Variants in ZBTB4 observed in about 807,000 individuals in gnomAD.
ZBTB4 encodes zinc finger and BTB domain containing 4, also known as zinc finger and BTB domain-containing protein 4.
A neutral mutation model predicts 59.8 loss-of-function variants in ZBTB4; 14 were observed. The ratio of observed to expected loss-of-function variants is 0.23; its 90% CI spans 0.15 to 0.37. The LOEUF (loss-of-function observed/expected upper bound fraction) is 0.37. Among genes scored for constraint, ZBTB4 ranks in the 10% least tolerant of loss-of-function variants. The probability of loss-of-function intolerance (pLI) is 1.00; values close to 1 mark genes in which losing one functional copy is unlikely to be tolerated. For synonymous variants in ZBTB4, 587 were observed against 575.2 expected (o/e 1.02, Z -0.29); for missense variants, 1,198 against 1,380.8 (o/e 0.87, Z 2.10).
Position 7,465,913 on chromosome 17 carries a change from C to T in ZBTB4, c.889G>A (p.Glu297Lys), listed in dbSNP as rs1203177835. ...PPPVGFRGGP[E>K]HVVKVVGGHV... ...CCGCCCACCACCTTCACCACGTGCT[C>T]GGGGCCCCCTCGGAAGCCCACTGGT... The change falls in exon 3 of 4, where the codon GAG (glutamate) becomes AAG (lysine). Residue 297 changes from glutamate to lysine, a missense_variant. This residue lies in a region of ZBTB4 where 204 missense variants were observed against 205.5 expected (regional missense o/e 0.99). Coordinates refer to ENST00000380599, the MANE Select transcript of ZBTB4 (RefSeq NM_001128833.2). 6.2e-7 allele frequency: 1 copy of T among 1,611,646 alleles called. No homozygotes were observed. The highest frequency in any genetic ancestry group is 8.5e-7 in the Non-Finnish European group (1 of 1,178,348).
rs755915902 is a variant in ZBTB4, at chr17:7,466,072, T to C, written c.730A>G (p.Ile244Val). 1.6e-5 allele frequency: 26 copies of C among 1,606,538 alleles called. No individual in the cohort carries two copies. Among genetic ancestry groups the C allele is most frequent in the Non-Finnish European group, 2.2e-5 (26 of 1,175,740 alleles). ...LPCPQCGKSF[I>V]HPKRLQTHEA... ...TGGGTCTGCAGCCGTTTGGGATGGA[T>C]GAAGCTTTTTCCACACTGGGGGCAG... is the stretch of plus-strand genomic sequence containing the variant. The change falls in exon 3 of 4, where the codon ATC becomes GTC. Residue 244 changes from isoleucine to valine, a missense_variant. Coordinates refer to ENST00000380599, the MANE Select transcript of ZBTB4 (RefSeq NM_001128833.2). This position sits in a 1 kb window ranked among gnomAD's most constrained non-coding sequence, Gnocchi z 9.1.
rs1567682868 is a variant in ZBTB4, at chr17:7,462,020, T to A, written c.2962A>T (p.Thr988Ser). The A allele has an allele frequency of 6.2e-7, 1 of 1,602,100 alleles. No individual in the cohort carries two copies. The highest frequency in any genetic ancestry group is 8.5e-7 in the Non-Finnish European group (1 of 1,173,804). The change falls in exon 4 of 4, where the codon ACT (threonine) becomes TCT (serine). Residue 988 changes from threonine (T) to serine (S), a missense_variant. Around this residue, in one of 9 missense-constraint regions of ZBTB4, gnomAD observed 211 missense variants for 236.1 expected, o/e 0.89. Transcript: ENST00000380599. The surrounding 1 kb of genome is among the most constrained non-coding windows in gnomAD (Gnocchi z 7.5). ...PPAPPTPPPPTLPPPIPPKGE... is the reference protein window; with the variant it reads ...PPAPPTPPPPSLPPPIPPKGE... ...TTAGGGGGAATTGGTGGAGGAAGAG[T>A]TGGGGGAGGTGGTGTTGGTGGGGCA...
rs78694458 is a variant in ZBTB4, at chr17:7,466,014, C to G, written c.788G>C (p.Arg263Pro). Residue 263 changes from arginine to proline, a missense_variant, in exon 3 of 4, where the codon CGG becomes CCG. Physicochemically the swap from Arg to Pro is moderately radical, Grantham distance 103 (BLOSUM62 -2). Transcript: ENST00000380599. The surrounding 1 kb of genome is among the most constrained non-coding windows in gnomAD (Gnocchi z 9.1). ...CCCAGCTCCCAGCCCTGTAGACCCC[C>G]GCGTGCTGGCCCCTCGTCGGCACTG... ...EAQCRRGAST[R>P]GSTGLGAGGA... is the part of the protein sequence containing the mutation. 1 of 1,607,838 alleles carries G rather than the reference C, an allele frequency of 6.2e-7. No individual in the cohort carries two copies. Among genetic ancestry groups the G allele is most frequent in the Non-Finnish European group, 8.5e-7 (1 of 1,176,304 alleles).
intron 1 of ZBTB4, among the ~76,000 whole-genome samples, chr17:7,473,237 G>C (rs1435112490): frequency 6.7e-6 from 1 of 149,972 alleles, no homozygotes; most frequent in Non-Finnish European, 1.5e-5. Flanking sequence ...CTCAGCCTCC[G>C]GAGTAGCTGG....
Position 7,466,524 on chromosome 17 carries a change from G to A in ZBTB4, c.278C>T (p.Ser93Phe), listed in dbSNP as rs750784081. 3 of 1,611,552 alleles carry A rather than the reference G, an allele frequency of 1.9e-6. No homozygotes were observed. Among genetic ancestry groups the A allele is most frequent in the Non-Finnish European group, 1.7e-6 (2 of 1,178,958 alleles). The stretch of plus-strand genomic sequence containing the variant: ...AGCAGAGGAGGAAGAAGAGGAAGAA[G>A]ACGAGGAAGAGGAGGAGGAGGAAGA... ...AASSSSSSSS[S>F]SSSSSSSASS... The change falls in exon 3 of 4, where the codon TCT (serine) becomes TTT (phenylalanine). Residue 93 changes from serine to phenylalanine, a missense_variant. Transcript: ENST00000380599. This position sits in a 1 kb window ranked among gnomAD's most constrained non-coding sequence, Gnocchi z 9.1.
At chr17:7,482,505 G>A, upstream of ZBTB4, 1 of 1,613,680 alleles carries the variant, frequency 6.2e-7, no homozygotes, top group Middle Eastern at 1.7e-4. Flanking sequence ...ATCATTGTGG[G>A]ACCTGGACTC....
At chr17:7,469,126 T>C (rs1475409319) in intron 1 of ZBTB4, among the ~76,000 whole-genome samples, 2 of 152,094 alleles carry the variant, frequency 1.3e-5, no homozygotes, top group Non-Finnish European at 2.9e-5. Context: ...TTGTTCCTTA[T>C]CACTACCCTG....
chr17:7,471,450 C>G (rs2070196040), intron 1 of ZBTB4, among the ~76,000 whole-genome samples: 1 of 152,098 alleles, frequency 6.6e-6, no homozygotes, highest in East Asian at 1.9e-4. Context: ...TTATCTGTAT[C>G]ATCTCATTTC....
chr17:7,463,308 C>T lies in ZBTB4; in HGVS notation c.1674G>A (p.Lys558=), dbSNP rs1279478180. The part of the protein sequence containing the change: ...PAMATTTEEA[K]GRNPRAGRTL... ...TCCTTCCAGCCCGTGGATTCCGGCCCTTGGCCTCCTCCGTGGTGGTGGCCA... is the reference window on the plus strand; with the variant it reads ...TCCTTCCAGCCCGTGGATTCCGGCCTTTGGCCTCCTCCGTGGTGGTGGCCA... Residue 558 remains lysine, a synonymous_variant, in exon 4 of 4, where the codon AAG becomes AAA. Transcript: ENST00000380599. The T allele has an allele frequency of 1.9e-6, 3 of 1,609,642 alleles. No individual in the cohort carries two copies. Among genetic ancestry groups the T allele is most frequent in the Non-Finnish European group, 2.5e-6 (3 of 1,178,278 alleles).
chr17:7,482,834 G>T (rs371449489), upstream of ZBTB4: 3 of 1,612,054 alleles, frequency 1.9e-6, no homozygotes, highest in Non-Finnish European at 2.5e-6. Flanking sequence ...CCTGGTGTGC[G>T]CTGTCCTGCA....
intron 1 of ZBTB4, among the ~76,000 whole-genome samples, chr17:7,472,101 C>T (rs1268593406): frequency 6.6e-6 from 1 of 152,146 alleles, no homozygotes; most frequent in Non-Finnish European, 1.5e-5. Context: ...AAGCCACCTT[C>T]CCCTGAGGCC....
At chr17:7,481,853 C>T, upstream of ZBTB4, 1 of 1,288,458 alleles carries the variant, frequency 7.8e-7, no homozygotes, top group South Asian at 1.5e-5. Flanking sequence ...CTTTCTAGCT[C>T]CGAAGAGTTC....
intron 1 of ZBTB4, among the ~76,000 whole-genome samples, chr17:7,475,892 G>C (rs2070262516): frequency 6.6e-6 from 1 of 152,178 alleles, no homozygotes; most frequent in African/African-American, 2.4e-5. Context: ...TGCTAGACCT[G>C]GCCCTGAAGA....
chr17:7,479,603 C>T lies in ZBTB4; in HGVS notation c.-228G>A. ...GCCTGGCCCCGGCCCGGCCCCGCTG[C>T]CGCCGCCGCCGCCGCCGCTGACATC... On this transcript the variant is annotated 5_prime_UTR_variant, in exon 1 of 4. Transcript: ENST00000380599. 6.1e-6 allele frequency: 1 copy of T among 165,052 alleles called. No individual in the cohort carries two copies. Among genetic ancestry groups the T allele is most frequent in the Non-Finnish European group, 1.3e-5 (1 of 79,280 alleles). 10.2% of individuals were successfully genotyped at this position (165,052 alleles called of 1,614,324 possible). A position where few individuals can be genotyped will look rare whatever the true frequency, so the allele number is the denominator to read the frequency against.
rs1293795371 is a variant in ZBTB4, at chr17:7,459,570, C to T, written c.*2370G>A. ...TGCCACCACCCGTCTTCCCAGGGAA[C>T]ATGGGGAAAGAGGGCACGAACTGAC... On this transcript the variant is annotated 3_prime_UTR_variant, in exon 4 of 4. Transcript: ENST00000380599. The T allele has an allele frequency of 6.6e-6, 1 of 152,260 alleles. No individual in the cohort carries two copies. Among genetic ancestry groups the T allele is most frequent in the Non-Finnish European group, 1.5e-5 (1 of 68,048 alleles). 9.4% of individuals were successfully genotyped at this position (152,260 alleles called of 1,614,324 possible). A position where few individuals can be genotyped will look rare whatever the true frequency, so the allele number is the denominator to read the frequency against.
upstream of ZBTB4, chr17:7,481,479 T>C (rs1304789732): frequency 2.0e-6 from 3 of 1,508,046 alleles, no homozygotes; most frequent in Admixed American, 2.2e-5. Context: ...GGGCCCAGGC[T>C]CCCTGAGCCA....
upstream of ZBTB4, chr17:7,482,255 G>A (rs2070354262): frequency 6.2e-7 from 1 of 1,614,004 alleles, no homozygotes; most frequent in Non-Finnish European, 8.5e-7. Context: ...TAAACTGCGT[G>A]GCGACCCCCT....
At chr17:7,482,491 AATC>A, upstream of ZBTB4, 1 of 1,613,806 alleles carries the variant, frequency 6.2e-7, no homozygotes. Context: ...TCCTAGGACT[AATC>A]ATCATTGTGG....
upstream of ZBTB4, chr17:7,481,596 C>A: frequency 9.2e-7 from 1 of 1,083,688 alleles, no homozygotes; most frequent in Non-Finnish European, 1.3e-6. Flanking sequence ...TTTCCTAAAA[C>A]TTAGCTGTCT....
Sources: allele counts gnomAD v4.1 joint callset (sites outside exome capture counted in the v4.1 genomes callset), GRCh38; gene constraint gnomAD v4.1.1; regional missense constraint gnomAD v4.1.1; non-coding constraint Gnocchi (gnomAD v3.1); transcripts MANE v1.5; gene names NCBI Gene and HGNC (gene_info 2026-07-23, HGNC 2026-07-21).